The following NEMP2 variants were observed in gnomAD, a reference collection of about 807,000 sequenced individuals.
NEMP2 encodes UPF0571 transmembrane protein.
NEMP2 carries 53 observed loss-of-function variants against 54.2 expected under a neutral mutation model. The ratio of observed to expected loss-of-function variants is 0.98; its 90% CI spans 0.78 to 1.23. The LOEUF (loss-of-function observed/expected upper bound fraction) is 1.23, where lower values mean the gene tolerates loss of function less well. Among genes scored for constraint, NEMP2 ranks in the 50% most tolerant of loss-of-function variants. The pLI is 0.00. For missense variants in NEMP2, 455 were observed against 511.3 expected, an observed-to-expected ratio of 0.89 and a Z score of 1.06; for synonymous variants, 197 against 190.3, an observed-to-expected ratio of 1.04 and a Z score of -0.29.
the NEMP2 span, among the ~76,000 whole-genome samples, chr2:190,476,146 G>A: frequency 6.6e-6 from 1 of 152,168 alleles, no homozygotes; most frequent in East Asian, 1.9e-4. Flanking sequence ...CAGGACATAG[G>A]CATGGGCAAG....
chr2:190,568,202 GT>G, the NEMP2 span: 1 of 152,162 alleles, frequency 6.6e-6, no homozygotes, highest in Non-Finnish European at 1.5e-5. The surrounding 1 kb of genome is among the most constrained non-coding windows in gnomAD (Gnocchi z 4.7). Context: ...CTTTGTGAAG[GT>G]GATTTGAGCA....
the NEMP2 span, chr2:190,626,970 C>T: frequency 1.3e-5 from 2 of 152,178 alleles, no homozygotes; most frequent in Non-Finnish European, 2.9e-5. This position sits in a 1 kb window ranked among gnomAD's most constrained non-coding sequence, Gnocchi z 4.5. Context: ...TTTCCTGTCT[C>T]ATTTCCAGAA....
chr2:190,621,431 T>C, the NEMP2 span, among the ~76,000 whole-genome samples: 1 of 152,214 alleles, frequency 6.6e-6, no homozygotes, highest in African/African-American at 2.4e-5. Flanking sequence ...CCATTATATA[T>C]GTGGTCTGTC....
chr2:190,474,214 TC>T, the NEMP2 span, among the ~76,000 whole-genome samples: 1 of 151,702 alleles, frequency 6.6e-6, no homozygotes, highest in Non-Finnish European at 1.5e-5. Flanking sequence ...ATAACTAAGA[TC>T]AGAGCAGAAC....
At chr2:190,612,152 CTTTTTT>C in the NEMP2 span, among the ~76,000 whole-genome samples, 2 of 115,796 alleles carry the variant, frequency 1.7e-5, no homozygotes, top group Non-Finnish European at 1.7e-5. Flanking sequence ...AAACATCCCT[CTTTTTT>C]TTTTTTTTTT....
rs774928829 is a variant in NEMP2 at position 190,509,197 on chromosome 2, T to C, written c.1246A>G (p.Thr416Ala). The C allele has an allele frequency of 1.9e-6, 3 of 1,551,578 alleles. No homozygotes were observed. Among genetic ancestry groups the C allele is most frequent in the African/African-American group, 1.4e-5 (1 of 73,038 alleles). ...AACTTGAAGGTCGCATGTCAGGCAG[T>C]ACTCGGGTTAAAGAGCTGCTCTTCC... ...FLEEQLFNPS[T>A]A The change falls in exon 9 of 9, where the codon ACT (threonine) becomes GCT (alanine). Residue 416 changes from threonine (T) to alanine (A), a missense_variant. Physicochemically the swap from Thr to Ala is moderately conservative, Grantham distance 58. Coordinates refer to ENST00000409150, the MANE Select transcript of NEMP2 (RefSeq NM_001142645.2). The surrounding 1 kb of genome is among the most constrained non-coding windows in gnomAD (Gnocchi z 6.1).
chr2:190,640,532 G>T, the NEMP2 span, among the ~76,000 whole-genome samples: 1 of 152,168 alleles, frequency 6.6e-6, no homozygotes, highest in Non-Finnish European at 1.5e-5. Context: ...ACATATTATT[G>T]CCAGTCCTGG....
the NEMP2 span, among the ~76,000 whole-genome samples, chr2:190,458,873 T>C: frequency 1.0e-3 from 156 of 152,294 alleles, 1 homozygote; most frequent in African/African-American, 3.7e-3. This position sits in a 1 kb window ranked among gnomAD's most constrained non-coding sequence, Gnocchi z 5.3. Context: ...TTGGGCAGGC[T>C]TACTCATAAG....
the NEMP2 span, among the ~76,000 whole-genome samples, chr2:190,429,481 A>G: frequency 6.6e-6 from 1 of 151,950 alleles, no homozygotes; most frequent in African/African-American, 2.4e-5. Flanking sequence ...ACCCACCACC[A>G]TGCCCAGCTA....
At chr2:190,596,747 G>A in the NEMP2 span, among the ~76,000 whole-genome samples, 55 of 152,256 alleles carry the variant, frequency 3.6e-4, no homozygotes, top group Non-Finnish European at 5.6e-4. The surrounding 1 kb of genome is among the most constrained non-coding windows in gnomAD (Gnocchi z 5.1). Context: ...CTCTTCTGAT[G>A]AAATTGTATG....
At chr2:190,489,137 G>A in the NEMP2 span, among the ~76,000 whole-genome samples, 1 of 152,192 alleles carries the variant, frequency 6.6e-6, no homozygotes, top group Non-Finnish European at 1.5e-5. The surrounding 1 kb of genome is among the most constrained non-coding windows in gnomAD (Gnocchi z 6.6). Context: ...CCTTAAACCT[G>A]CTGATAATAA....
the NEMP2 span, among the ~76,000 whole-genome samples, chr2:190,560,218 A>C: frequency 6.6e-6 from 1 of 152,196 alleles, no homozygotes; most frequent in African/African-American, 2.4e-5. The surrounding 1 kb of genome is among the most constrained non-coding windows in gnomAD (Gnocchi z 5.4). Context: ...GGTGGGAGTC[A>C]AGCAGTTTTG....
the NEMP2 span, among the ~76,000 whole-genome samples, chr2:190,647,539 TCTAC>T: frequency 5.9e-5 from 9 of 152,252 alleles, no homozygotes; most frequent in South Asian, 1.9e-3. Flanking sequence ...AAAATGGGAT[TCTAC>T]CTGTCTTTGC....
chr2:190,608,792 C>T, the NEMP2 span: 1 of 152,142 alleles, frequency 6.6e-6, no homozygotes, highest in Admixed American at 6.5e-5. This position sits in a 1 kb window ranked among gnomAD's most constrained non-coding sequence, Gnocchi z 4.9. Flanking sequence ...GCGAGAGAGA[C>T]CACATGCGTA....
At chr2:190,576,796 G>A in the NEMP2 span, among the ~76,000 whole-genome samples, 1 of 152,180 alleles carries the variant, frequency 6.6e-6, no homozygotes, top group African/African-American at 2.4e-5. Flanking sequence ...CTAGAGCCAT[G>A]AAATACATTA....
rs893138537 is a variant in NEMP2 at position 190,523,536 on chromosome 2, G to A, written c.213+1727C>T. Among the ~76,000 whole-genome samples the A allele has an allele frequency of 3.3e-5, 5 of 152,164 alleles. No homozygotes were observed. Among genetic ancestry groups the A allele is most frequent in the Admixed American group, 1.3e-4 (2 of 15,272 alleles). On this transcript the variant is annotated intron_variant, in intron 2 of 8. Coordinates refer to ENST00000409150, the MANE Select transcript of NEMP2 (RefSeq NM_001142645.2). The surrounding 1 kb of genome is among the most constrained non-coding windows in gnomAD (Gnocchi z 5.3). ...TATAGATGTATGTGCAGGCCTATGC[G>A]TGTGTATGTGTTTGTACACACATGA...
At chr2:190,429,200 T>G in the NEMP2 span, among the ~76,000 whole-genome samples, 1 of 150,972 alleles carries the variant, frequency 6.6e-6, no homozygotes, top group Non-Finnish European at 1.5e-5. Context: ...GAATAAATTT[T>G]TATATATCTG....
chr2:190,584,153 C>T, the NEMP2 span, among the ~76,000 whole-genome samples: 1 of 152,154 alleles, frequency 6.6e-6, no homozygotes, highest in Non-Finnish European at 1.5e-5. This position sits in a 1 kb window ranked among gnomAD's most constrained non-coding sequence, Gnocchi z 4.2. Flanking sequence ...GTCTGTTTCA[C>T]ACTGAGATGA....
the NEMP2 span, among the ~76,000 whole-genome samples, chr2:190,604,556 G>T: frequency 1.3e-5 from 2 of 152,112 alleles, no homozygotes; most frequent in Non-Finnish European, 2.9e-5. The surrounding 1 kb of genome is among the most constrained non-coding windows in gnomAD (Gnocchi z 4.5). Flanking sequence ...ACACAACCTT[G>T]AAGACAGATT....
Sources: allele counts gnomAD v4.1 joint callset (sites outside exome capture counted in the v4.1 genomes callset), GRCh38; gene constraint gnomAD v4.1.1; non-coding constraint Gnocchi (gnomAD v3.1); transcripts MANE v1.5; gene names NCBI Gene and HGNC (gene_info 2026-07-23, HGNC 2026-07-21).